The following MCCC1 variants were observed in gnomAD, a reference collection of about 807,000 sequenced individuals.
The protein encoded by MCCC1 is methylcrotonyl-CoA carboxylase subunit 1, also known as methylcrotonoyl-CoA carboxylase subunit alpha, mitochondrial.
MCCC1 carries 64 observed loss-of-function variants against 83.8 expected under a neutral mutation model. The ratio of observed to expected loss-of-function variants is 0.76; its 90% CI spans 0.62 to 0.94. The LOEUF (loss-of-function observed/expected upper bound fraction) is 0.94. Among genes scored for constraint, MCCC1 ranks in the 40% least tolerant of loss-of-function variants. MCCC1 has a pLI of 0.00. For synonymous variants in MCCC1, 322 were observed against 315.4 expected (o/e 1.02, Z -0.22); for missense variants, 807 against 904.7 (o/e 0.89, Z 1.39).
At chr3:183,052,945 TACTTA>T (rs980848466) in intron 8 of MCCC1, among the ~76,000 whole-genome samples, 13 of 36,100 alleles carry the variant, frequency 3.6e-4, no homozygotes, top group African/African-American at 7.8e-4. Flanking sequence ...GTATCCCTTT[TACTTA>T]AAAAAAAAAG....
At chr3:183,094,029 TTTTA>T (rs1718559862) in intron 2 of MCCC1, among the ~76,000 whole-genome samples, 1 of 151,782 alleles carries the variant, frequency 6.6e-6, no homozygotes, top group African/African-American at 2.4e-5. Flanking sequence ...GCCCTCTGTA[TTTTA>T]TTTATTTATT....
Position 183,015,627 on chromosome 3 carries a change from C to T in MCCC1, c.2050-61G>A, listed in dbSNP as rs937592673. 6 of 1,605,902 alleles carry T rather than the reference C, an allele frequency of 3.7e-6. No individual in the cohort carries two copies. In the African/African-American group the frequency reaches 8.0e-5, roughly 21 times the overall value. ...AATACTAATGAGGACTGAGTATACACCAAGTCAAGAAAGGGAGACCAAAAA... is the reference window on the plus strand; with the variant it reads ...AATACTAATGAGGACTGAGTATACATCAAGTCAAGAAAGGGAGACCAAAAA... On this transcript the variant is annotated intron_variant, in intron 18 of 18. Transcript: ENST00000265594.
At chr3:183,040,069 C>T (rs1263853134) in intron 11 of MCCC1, among the ~76,000 whole-genome samples, 3 of 140,280 alleles carry the variant, frequency 2.1e-5, no homozygotes, top group African/African-American at 5.5e-5. Context: ...GCACTCCAGC[C>T]TGGGCAACAA....
At chr3:183,097,340 G>C (rs1718815799) in intron 1 of MCCC1, among the ~76,000 whole-genome samples, 1 of 152,010 alleles carries the variant, frequency 6.6e-6, no homozygotes, top group Admixed American at 6.6e-5. Flanking sequence ...ATTATTTTCT[G>C]TGAGCTACTA....
intron 4 of MCCC1, among the ~76,000 whole-genome samples, chr3:183,085,177 C>A (rs560006180): frequency 6.6e-6 from 1 of 152,120 alleles, no homozygotes; most frequent in Non-Finnish European, 1.5e-5. Flanking sequence ...GGCAACACTA[C>A]GGCAATTTAC....
At chr3:183,018,803 T>C (rs1225348278) in intron 17 of MCCC1, among the ~76,000 whole-genome samples, 1 of 152,248 alleles carries the variant, frequency 6.6e-6, no homozygotes, top group Non-Finnish European at 1.5e-5. Context: ...CTAAGTATAG[T>C]AAGTGTGTTT....
chr3:183,109,771 G>A (rs949490085), intron 1 of MCCC1, among the ~76,000 whole-genome samples: 2 of 152,176 alleles, frequency 1.3e-5, no homozygotes, highest in African/African-American at 2.4e-5. Flanking sequence ...GTATATATCC[G>A]ATAATGGGAT....
intron 7 of MCCC1, among the ~76,000 whole-genome samples, chr3:183,066,841 T>C (rs1449135442): frequency 6.6e-6 from 1 of 152,264 alleles, no homozygotes; most frequent in Non-Finnish European, 1.5e-5. Context: ...TCTGTTTTGT[T>C]CTTCAGAGTA....
At chr3:183,084,376 G>A (rs16833681) in intron 4 of MCCC1, among the ~76,000 whole-genome samples, 1,701 of 152,108 alleles carry the variant, frequency 0.011, 35 homozygotes, top group African/African-American at 0.039. Flanking sequence ...CATGATAAAT[G>A]CACAAACTGA....
At chr3:183,056,429 G>T (rs1047003699) in intron 8 of MCCC1, among the ~76,000 whole-genome samples, 1 of 152,004 alleles carries the variant, frequency 6.6e-6, no homozygotes, top group East Asian at 1.9e-4. Context: ...CCAAAAATAG[G>T]TAGTCCTAGT....
At chr3:183,086,309 A>G (rs956481778) in intron 4 of MCCC1, among the ~76,000 whole-genome samples, 7 of 152,274 alleles carry the variant, frequency 4.6e-5, no homozygotes, top group African/African-American at 1.7e-4. Context: ...TGGCCCTAGA[A>G]TGAGACTGGG....
chr3:183,041,010 C>T (rs1001511110), intron 11 of MCCC1, among the ~76,000 whole-genome samples: 2 of 152,200 alleles, frequency 1.3e-5, no homozygotes, highest in Non-Finnish European at 2.9e-5. Flanking sequence ...TGCCTACTTA[C>T]AGGGTACTTC....
upstream of MCCC1, among the ~76,000 whole-genome samples, chr3:183,103,007 T>TG (rs796459198): frequency 4.3e-4 from 66 of 152,074 alleles, 1 homozygote; most frequent in African/African-American, 1.6e-3. Flanking sequence ...GGTGGGTTCT[T>TG]GGTCTCACTG....
At chr3:183,069,483 C>T (rs745619879) in intron 7 of MCCC1, among the ~76,000 whole-genome samples, 3 of 152,106 alleles carry the variant, frequency 2.0e-5, no homozygotes, top group African/African-American at 4.8e-5. Context: ...AATGCCCCCC[C>T]CTTTTTTTTT....
chr3:183,063,120 A>G (rs1174339904), intron 7 of MCCC1, among the ~76,000 whole-genome samples: 2 of 152,036 alleles, frequency 1.3e-5, no homozygotes, highest in African/African-American at 4.8e-5. Context: ...AGTAGCTGGG[A>G]CTACAGGCGT....
intron 1 of MCCC1, among the ~76,000 whole-genome samples, chr3:183,106,081 TAAAA>T (rs563718218): frequency 9.9e-6 from 1 of 101,064 alleles, no homozygotes; most frequent in Non-Finnish European, 2.0e-5. Flanking sequence ...AGAGAGTCCG[TAAAA>T]AAAAAAAAAA....
At chr3:183,020,800 C>A (rs765238581) in intron 16 of MCCC1, among the ~76,000 whole-genome samples, 83 of 152,144 alleles carry the variant, frequency 5.5e-4, no homozygotes, top group Non-Finnish European at 8.8e-4. Context: ...TGGCTCACGC[C>A]TGTAATCCCA....
chr3:183,059,464 A>G (rs1419228068), intron 7 of MCCC1, among the ~76,000 whole-genome samples: 1 of 152,094 alleles, frequency 6.6e-6, no homozygotes, highest in Non-Finnish European at 1.5e-5. Flanking sequence ...CTCTTTATCC[A>G]CAAGCTATAT....
chr3:183,045,334 C>A, intron 10 of MCCC1, 79 bp downstream of exon 10: 3 of 1,567,360 alleles, frequency 1.9e-6, no homozygotes, highest in Admixed American at 3.4e-5. Flanking sequence ...CCTGCCTTGG[C>A]CTGCCAAAGT....
Sources: allele counts gnomAD v4.1 joint callset (sites outside exome capture counted in the v4.1 genomes callset), GRCh38; gene constraint gnomAD v4.1.1; transcripts MANE v1.5; gene names NCBI Gene and HGNC (gene_info 2026-07-23, HGNC 2026-07-21).